TUT7: variants seen among roughly 807,000 people sequenced by gnomAD.
The protein encoded by TUT7 is terminal uridylyltransferase 7.
TUT7 carries 33 observed loss-of-function variants against 165.9 expected under a neutral mutation model. That is an observed-to-expected ratio of 0.20 (90% CI 0.15 to 0.27). The LOEUF is 0.27. TUT7 is among the 10% of genes least tolerant of loss of function. The pLI, the probability that TUT7 is intolerant of heterozygous loss-of-function variation, is 1.00. For missense variants in TUT7, 1,338 were observed against 1,762.3 expected, an observed-to-expected ratio of 0.76 and a Z score of 4.31; for synonymous variants, 552 against 608.1, an observed-to-expected ratio of 0.91 and a Z score of 1.36.
At chr9:86,291,725 T>C (rs554210820) in intron 26 of TUT7, among the ~76,000 whole-genome samples, 19 of 152,264 alleles carry the variant, frequency 1.2e-4, no homozygotes, top group South Asian at 6.2e-4. Flanking sequence ...GAAGAATACA[T>C]AGAAATGACC....
intron 22 of TUT7, among the ~76,000 whole-genome samples, chr9:86,307,759 C>T (rs1296416288): frequency 1.3e-5 from 2 of 152,048 alleles, no homozygotes; most frequent in African/African-American, 4.8e-5. Flanking sequence ...TTTGGGAGGC[C>T]GAGGTGGGTG....
chr9:86,346,241 A>G lies in TUT7; in HGVS notation c.702+58T>C, dbSNP rs912397529. On this transcript the variant is annotated intron_variant, in intron 3 of 26. Coordinates refer to ENST00000375963, the MANE Select transcript of TUT7 (RefSeq NM_024617.4). The stretch of plus-strand genomic sequence containing the variant: ...TCAGAGCATGCATACTCAATTAACA[A>G]CAAAATTGAGGCTAAAACCAGGATT... 1.9e-6 allele frequency: 3 copies of G among 1,539,986 alleles called. No individual in the cohort carries two copies. In the African/African-American group the frequency reaches 4.1e-5, roughly 21 times the overall value.
chr9:86,308,943 A>G (rs181861027), intron 21 of TUT7, among the ~76,000 whole-genome samples: 2 of 152,350 alleles, frequency 1.3e-5, no homozygotes, highest in East Asian at 3.9e-4. Context: ...CAAAAACCAC[A>G]GAACAAATAT....
intron 26 of TUT7, chr9:86,298,895 C>T (rs1026226519): frequency 2.1e-5 from 17 of 810,978 alleles, no homozygotes; most frequent in South Asian, 1.7e-4. Flanking sequence ...GCCTTAAAAC[C>T]GAAACCATAT....
At chr9:86,302,557 A>T (rs532931043) in intron 25 of TUT7, among the ~76,000 whole-genome samples, 2 of 151,212 alleles carry the variant, frequency 1.3e-5, no homozygotes, top group South Asian at 2.1e-4. Context: ...GCCTCAAGTG[A>T]TCCGCCTGCC....
At chr9:86,340,967 C>T (rs1831272746) in intron 7 of TUT7, 35 bp downstream of exon 7, 1 of 1,532,382 alleles carries the variant, frequency 6.5e-7, no homozygotes, top group Non-Finnish European at 9.0e-7. Context: ...TTATAGACAA[C>T]ATAAAAATTT....
chr9:86,323,993 A>T (rs770136841), intron 12 of TUT7, 33 bp from the exon 13 acceptor site: 1 of 1,469,690 alleles, frequency 6.8e-7, no homozygotes, highest in South Asian at 1.4e-5. Flanking sequence ...AGAAAAATCC[A>T]TCTCTTCATA....
intron 2 of TUT7, among the ~76,000 whole-genome samples, chr9:86,351,398 T>C (rs920466839): frequency 6.6e-6 from 1 of 151,920 alleles, no homozygotes; most frequent in Non-Finnish European, 1.5e-5. Context: ...ATCGCGCCAC[T>C]GTACTCCAGC....
intron 17 of TUT7, among the ~76,000 whole-genome samples, chr9:86,315,243 G>A (rs4143755): frequency 0.26 from 38,912 of 152,136 alleles, 5,404 homozygotes; most frequent in East Asian, 0.48. Context: ...TAGCTGTTAC[G>A]AAATTCTTGT....
Position 86,323,565 on chromosome 9 carries a change from C to T in TUT7, c.2185G>A (p.Ala729Thr). Reference protein sequence around the residue: ...VHPENSDCIQADVNSDDYKGD... With the variant: ...VHPENSDCIQTDVNSDDYKGD... Reference sequence around the variant, plus strand: ...TTGTAATCATCAGAGTTAACATCTGCTTGGATACAGTCTGAGTTTTCAGGG... The same window carrying T: ...TTGTAATCATCAGAGTTAACATCTGTTTGGATACAGTCTGAGTTTTCAGGG... The change falls in exon 13 of 27, where the codon GCA becomes ACA. Residue 729 changes from alanine to threonine, a missense_variant. By Grantham distance (58) the Ala-to-Thr change is moderately conservative (BLOSUM62 0). Coordinates refer to ENST00000375963, the MANE Select transcript of TUT7 (RefSeq NM_024617.4). 1 of 1,614,216 alleles carries T rather than the reference C, an allele frequency of 6.2e-7. No individual in the cohort carries two copies. Among genetic ancestry groups the T allele is most frequent in the Non-Finnish European group, 8.5e-7 (1 of 1,180,036 alleles).
At chr9:86,317,388 T>C in intron 16 of TUT7, 112 bp from the exon 17 acceptor site, 2 of 927,174 alleles carry the variant, frequency 2.2e-6, no homozygotes, top group Non-Finnish European at 3.4e-6. Context: ...AGTCAGTCTA[T>C]ATCTATTTTT....
chr9:86,304,367 T>A (rs1298072666), intron 24 of TUT7, among the ~76,000 whole-genome samples: 1 of 152,222 alleles, frequency 6.6e-6, no homozygotes, highest in East Asian at 1.9e-4. Flanking sequence ...TTGTTTTCAA[T>A]AAATGTGGTT....
At chr9:86,351,215 C>A (rs919378733) in intron 2 of TUT7, among the ~76,000 whole-genome samples, 1 of 151,604 alleles carries the variant, frequency 6.6e-6, no homozygotes, top group African/African-American at 2.4e-5. Flanking sequence ...GTGGGTGGAT[C>A]ACTGGAGGTT....
chr9:86,339,517 CAA>C (rs912491273), intron 8 of TUT7, among the ~76,000 whole-genome samples: 1 of 146,454 alleles, frequency 6.8e-6, no homozygotes, highest in Non-Finnish European at 1.5e-5. Context: ...GACTCCGTCT[CAA>C]AAAAAAAAGT....
Position 86,352,255 on chromosome 9 carries a change from GT to G in TUT7, c.520+424del, listed in dbSNP as rs879725028. 4.5e-3 allele frequency among the ~76,000 whole-genome samples: 677 copies of G among 149,734 alleles called. 4 individuals are homozygous for G. Among genetic ancestry groups the G allele is most frequent in the Middle Eastern group, 0.017 (5 of 292 alleles). ...ACTGTGTTTTTACATCAACAAATAA[GT>G]TTTTTTTTTAAAAAAAGCTTTATAT... On this transcript the variant is annotated intron_variant, in intron 2 of 26. Coordinates refer to ENST00000375963, the MANE Select transcript of TUT7 (RefSeq NM_024617.4).
At chr9:86,330,766 T>C (rs1449277427) in intron 10 of TUT7, among the ~76,000 whole-genome samples, 5 of 152,184 alleles carry the variant, frequency 3.3e-5, no homozygotes, top group Admixed American at 2.0e-4. Flanking sequence ...GACCTTTAGG[T>C]CACTGATTTT....
At chr9:86,303,968 C>T (rs746717640) in intron 24 of TUT7, among the ~76,000 whole-genome samples, 32 of 152,222 alleles carry the variant, frequency 2.1e-4, no homozygotes, top group Admixed American at 2.0e-4. Flanking sequence ...TAAAAGTCTT[C>T]ACTGGGAGTA....
chr9:86,325,714 T>C (rs1221081260), intron 11 of TUT7, among the ~76,000 whole-genome samples, 200 bp from the exon 12 acceptor site: 1 of 152,242 alleles, frequency 6.6e-6, no homozygotes, highest in African/African-American at 2.4e-5. Flanking sequence ...ACTATTAGGA[T>C]TAGAGTATGC....
At chr9:86,292,300 G>C (rs527713011) in intron 26 of TUT7, among the ~76,000 whole-genome samples, 4 of 152,088 alleles carry the variant, frequency 2.6e-5, no homozygotes, top group Admixed American at 6.6e-5. Flanking sequence ...ATATGAAAGA[G>C]TATAAAAAAT....
Sources: gnomAD v4.1 joint callset for allele counts (sites outside exome capture counted in the v4.1 genomes callset) on GRCh38, gnomAD v4.1.1 for gene constraint, MANE v1.5 for transcripts, NCBI Gene and HGNC (gene_info 2026-07-23, HGNC 2026-07-21) for gene names.